The following EPHA3 variants were observed in gnomAD, a reference collection of about 807,000 sequenced individuals.
EPHA3 encodes the protein EPH receptor A3.
Under a neutral mutation model 107.1 loss-of-function variants are expected in EPHA3, and 42 were observed. The observed-to-expected ratio is 0.39, with a 90% CI of 0.31 to 0.51. The LOEUF (loss-of-function observed/expected upper bound fraction) is 0.51. EPHA3 is among the 20% of genes least tolerant of loss of function. The pLI is 0.78. For synonymous variants in EPHA3, 461 were observed against 424.8 expected, an observed-to-expected ratio of 1.09 and a Z score of -1.05; for missense variants, 1,183 against 1,211.2, an observed-to-expected ratio of 0.98 and a Z score of 0.35.
chr3:89,167,003 T>A (rs1705086887), intron 2 of EPHA3, among the ~76,000 whole-genome samples: 1 of 152,072 alleles, frequency 6.6e-6, no homozygotes, highest in Non-Finnish European at 1.5e-5. Flanking sequence ...GTGTCTGAGG[T>A]GAAATGGAGC....
chr3:89,471,966 T>C (rs1468917177), intron 15 of EPHA3, among the ~76,000 whole-genome samples: 3 of 152,186 alleles, frequency 2.0e-5, no homozygotes, highest in Non-Finnish European at 4.4e-5. Context: ...ATTGAGTTTA[T>C]GTCCTGCTGT....
intron 3 of EPHA3, among the ~76,000 whole-genome samples, chr3:89,219,688 G>GTGTTTTTTTTTGTTTTTTTGTTT: frequency 5.8e-5 from 2 of 34,440 alleles, no homozygotes; most frequent in Admixed American, 4.0e-4. Flanking sequence ...ATTTGGCAAT[G>GTGTTTTTTTTTGTTTTTTTGTTT]TTTTTTTTTT....
chr3:89,124,535 G>A (rs549998865), intron 1 of EPHA3, among the ~76,000 whole-genome samples: 11 of 152,054 alleles, frequency 7.2e-5, no homozygotes, highest in Admixed American at 5.9e-4. Context: ...AGTGTGTTTT[G>A]AAGTTAACTA....
chr3:89,199,974 G>A (rs1472413633), intron 2 of EPHA3, among the ~76,000 whole-genome samples: 2 of 152,144 alleles, frequency 1.3e-5, no homozygotes, highest in African/African-American at 2.4e-5. Context: ...CTTGGGAGGG[G>A]AAGATGAACA....
rs148278215 is a variant in EPHA3 at position 89,254,372 on chromosome 3, A to C, written c.814+43852A>C. On this transcript the variant is annotated intron_variant, in intron 3 of 16. Transcript: ENST00000336596. ...TTCCTTCAGTGATACATTTACTCTG[A>C]ATAATGGGAGGAGCCATCGAATGGA... Among the ~76,000 whole-genome samples the C allele has an allele frequency of 1.3e-3, 203 of 152,286 alleles. 1 individual carries two copies. The highest frequency in any genetic ancestry group is 4.7e-3 in the African/African-American group (195 of 41,548).
chr3:89,144,730 T>A (rs1346714574), intron 2 of EPHA3, among the ~76,000 whole-genome samples: 1 of 151,778 alleles, frequency 6.6e-6, no homozygotes. Context: ...CCAAACACTC[T>A]GTGGTTGTGT....
chr3:89,398,604 C>A (rs1708895624), intron 6 of EPHA3, among the ~76,000 whole-genome samples: 1 of 148,696 alleles, frequency 6.7e-6, no homozygotes, highest in South Asian at 2.1e-4. Context: ...AGTTCTACTC[C>A]AGAATCAATA....
intron 16 of EPHA3, among the ~76,000 whole-genome samples, chr3:89,478,858 T>C (rs1262940449): frequency 1.3e-5 from 2 of 152,216 alleles, no homozygotes; most frequent in African/African-American, 4.8e-5. Flanking sequence ...AGAAGTTTTT[T>C]CTTAGAATTC....
At chr3:89,366,719 A>T (rs1685916382) in intron 5 of EPHA3, among the ~76,000 whole-genome samples, 2 of 150,686 alleles carry the variant, frequency 1.3e-5, no homozygotes, top group South Asian at 4.2e-4. Context: ...ACAGTTATCT[A>T]CAAAGTCATT....
intron 3 of EPHA3, among the ~76,000 whole-genome samples, chr3:89,286,484 T>C (rs1188905195): frequency 3.9e-5 from 6 of 152,016 alleles, no homozygotes; most frequent in Admixed American, 6.6e-5. Flanking sequence ...CAGTAGTTAA[T>C]TGAGAGATTA....
At chr3:89,313,762 T>C (rs888017608) in intron 3 of EPHA3, among the ~76,000 whole-genome samples, 11 of 152,062 alleles carry the variant, frequency 7.2e-5, no homozygotes, top group African/African-American at 2.2e-4. Flanking sequence ...TAGTGAATGG[T>C]AACAAAAAGT....
intron 2 of EPHA3, among the ~76,000 whole-genome samples, chr3:89,201,639 A>C (rs1705971038): frequency 6.6e-6 from 1 of 152,188 alleles, no homozygotes; most frequent in Non-Finnish European, 1.5e-5. Flanking sequence ...AATTGGGTTA[A>C]TAATCATCTT....
intron 2 of EPHA3, among the ~76,000 whole-genome samples, chr3:89,155,819 C>T (rs1047063828): frequency 4.6e-5 from 7 of 152,006 alleles, no homozygotes; most frequent in Admixed American, 3.3e-4. Context: ...CCTTTCTCAT[C>T]TTTGAAAACA....
chr3:89,481,519 C>A lies in EPHA3; in HGVS notation c.*2017C>A. 4.3e-6 allele frequency: 1 copy of A among 232,054 alleles called. No individual in the cohort carries two copies. The highest frequency in any genetic ancestry group is 1.8e-4 in the South Asian group (1 of 5,510). The allele number at this position is 232,054 out of a possible 1,614,324, so 14.4% of individuals were successfully genotyped here. ...TAATTTTTTCCCAGACTACTATTTT[C>A]TTTTTTAGGTACTATTCTGAGCATA... On this transcript the variant is annotated 3_prime_UTR_variant, in exon 17 of 17. Coordinates refer to ENST00000336596, the MANE Select transcript of EPHA3 (RefSeq NM_005233.6).
At chr3:89,117,189 T>C (rs1707278122) in intron 1 of EPHA3, among the ~76,000 whole-genome samples, 1 of 152,104 alleles carries the variant, frequency 6.6e-6, no homozygotes, top group Non-Finnish European at 1.5e-5. Context: ...ATAGGTTTTT[T>C]CAATTAATAG....
At chr3:89,416,606 A>G (rs1576367358) in intron 10 of EPHA3, among the ~76,000 whole-genome samples, 1 of 151,408 alleles carries the variant, frequency 6.6e-6, no homozygotes, top group African/African-American at 2.4e-5. Context: ...CAGTTATTTT[A>G]AATTATTAAA....
chr3:89,421,751 G>T (rs116125860), intron 11 of EPHA3, among the ~76,000 whole-genome samples: 1 of 151,188 alleles, frequency 6.6e-6, no homozygotes, highest in Non-Finnish European at 1.5e-5. Context: ...AACTATAAAT[G>T]TTGTGGCAAA....
In EPHA3 at chr3:89,234,138, C is replaced by T. The variant is rs138336041; in HGVS notation, c.814+23618C>T. Among the ~76,000 whole-genome samples, 1,424 of 152,160 alleles carry T rather than the reference C, an allele frequency of 9.4e-3. 24 individuals are homozygous for T. Among genetic ancestry groups the T allele is most frequent in the African/African-American group, 0.033 (1,361 of 41,492 alleles). On this transcript the variant is annotated intron_variant, in intron 3 of 16. Coordinates refer to ENST00000336596, the MANE Select transcript of EPHA3 (RefSeq NM_005233.6). ...TATGCCATGAAAGAGAAAAATGCCA[C>T]TTTGAAGTGATTGTAAATAAAAGAT...
At chr3:89,339,228 A>C (rs1707460687) in intron 3 of EPHA3, among the ~76,000 whole-genome samples, 1 of 151,936 alleles carries the variant, frequency 6.6e-6, no homozygotes. Flanking sequence ...AAAATTAGCT[A>C]GGCCTGGTGG....
Sources: gnomAD v4.1 joint callset for allele counts (sites outside exome capture counted in the v4.1 genomes callset) on GRCh38, gnomAD v4.1.1 for gene constraint, MANE v1.5 for transcripts, NCBI Gene and HGNC (gene_info 2026-07-23, HGNC 2026-07-21) for gene names.